Variants in DENND5A observed in about 807,000 individuals in gnomAD.
DENND5A encodes DENN domain containing 5A.
Under a neutral mutation model 140.3 loss-of-function variants are expected in DENND5A, and 64 were observed. The observed-to-expected ratio is 0.46, with a 90% confidence interval of 0.37 to 0.56. The LOEUF (loss-of-function observed/expected upper bound fraction) is 0.56, where lower values mean the gene tolerates loss of function less well. DENND5A is among the 20% of genes least tolerant of loss of function. The pLI is 0.00. For synonymous variants in DENND5A, 605 were observed against 607.7 expected (o/e 1.00, Z 0.07); for missense variants, 1,292 against 1,593.8 (o/e 0.81, Z 3.22).
At chr11:9,143,369 G>A (rs1427997235) in intron 20 of DENND5A, 34 bp downstream of exon 20, 1 of 1,555,776 alleles carries the variant, frequency 6.4e-7, no homozygotes, top group Non-Finnish European at 8.9e-7. Context: ...CTTATTCAAT[G>A]TAAGGCCCTG....
rs56687419 is a variant in DENND5A at position 9,144,547 on chromosome 11, T to C, written c.3123-269A>G. ...GGCTCATGCCTGTAATCCCAGCACT[T>C]TGGGAGGCCGAGGCGGCCGGATCAC... On this transcript the variant is annotated intron_variant, in intron 18 of 22. Coordinates refer to ENST00000328194, the MANE Select transcript of DENND5A (RefSeq NM_015213.4). 5.3e-5 allele frequency among the ~76,000 whole-genome samples: 8 copies of C among 152,062 alleles called. No homozygotes were observed. The East Asian group carries it at 7.8e-4, about 15-fold the overall frequency.
chr11:9,219,096 C>G (rs1045983473), intron 1 of DENND5A, among the ~76,000 whole-genome samples: 2 of 150,582 alleles, frequency 1.3e-5, no homozygotes, highest in African/African-American at 4.9e-5. Flanking sequence ...GTCTAAAACC[C>G]AAATAAAAGT....
chr11:9,178,118 C>CA lies in DENND5A; in HGVS notation c.1906+13dup. 6.4e-7 allele frequency: 1 copy of CA among 1,568,610 alleles called. No homozygotes were observed. Among genetic ancestry groups the CA allele is most frequent in the Non-Finnish European group, 8.8e-7 (1 of 1,138,512 alleles). On this transcript the variant is annotated intron_variant, in intron 8 of 22. Coordinates refer to ENST00000328194, the MANE Select transcript of DENND5A (RefSeq NM_015213.4). The stretch of plus-strand genomic sequence containing the variant: ...TCCAAGAGGCCTGAATGTACATTTC[C>CA]AAGGAGGCCTTACCTGCTTCATCCA...
At chr11:9,250,044 T>TAAAA (rs10710741) in intron 1 of DENND5A, among the ~76,000 whole-genome samples, 5 of 138,468 alleles carry the variant, frequency 3.6e-5, no homozygotes, top group Non-Finnish European at 1.6e-5. Context: ...AAATAAAATT[T>TAAAA]AAAAAAAAAA....
chr11:9,233,471 A>T (rs1314152743), intron 1 of DENND5A, among the ~76,000 whole-genome samples: 5 of 151,866 alleles, frequency 3.3e-5, no homozygotes, highest in Non-Finnish European at 5.9e-5. Flanking sequence ...TGGTGGCCCC[A>T]AAAAAGGTAT....
In DENND5A at chr11:9,261,711, G is replaced by A. The variant is rs113053831; in HGVS notation, c.109+3250C>T. On this transcript the variant is annotated intron_variant, in intron 1 of 22. Transcript: ENST00000328194. ...CAGAATTGCTTGAACCTGGGAGACG[G>A]AGGTTTCAGTGAGCCACTATTGCAG... Among the ~76,000 whole-genome samples, 1,367 of 144,512 alleles carry A rather than the reference G, an allele frequency of 9.5e-3. 11 individuals are homozygous for A. Among genetic ancestry groups the A allele is most frequent in the Non-Finnish European group, 0.013 (893 of 67,050 alleles). The allele number at this position is 144,512 out of a possible 152,430, so 94.8% of individuals were successfully genotyped here.
chr11:9,216,944 G>A (rs958469939), intron 1 of DENND5A, among the ~76,000 whole-genome samples: 1 of 152,126 alleles, frequency 6.6e-6, no homozygotes, highest in Admixed American at 6.6e-5. Context: ...GCTGTGGTGG[G>A]AGGATCACTT....
In DENND5A at chr11:9,144,606, T is replaced by C. The variant is rs148461435; in HGVS notation, c.3123-328A>G. Among the ~76,000 whole-genome samples, 451 of 152,000 alleles carry C rather than the reference T, an allele frequency of 3.0e-3. 1 individual carries two copies. The highest frequency in any genetic ancestry group is 0.01 in the African/African-American group (426 of 41,452). On this transcript the variant is annotated intron_variant, in intron 18 of 22. Transcript: ENST00000328194. ...AGGAGTTCAAGACCAGCCTGGTCAA[T>C]ATGGCGAAACCTGTCTCTACTAAAA...
Position 9,180,820 on chromosome 11 carries a change from T to C in DENND5A, c.1402A>G (p.Thr468Ala). ...HSYELLKENE[T>A]IARLQALVKR... ...ACCAAGGCTTGCAGCCGGGCAATAG[T>C]TTCATTCTCCTTAAGAAGCTCGTAG... The change falls in exon 6 of 23, where the codon ACT becomes GCT. Residue 468 changes from threonine to alanine, a missense_variant. Physicochemically the swap from Thr to Ala is moderately conservative, Grantham distance 58. This residue lies in a region of DENND5A where 566 missense variants were observed against 650.4 expected (regional missense o/e 0.87). Transcript: ENST00000328194. 5 of 1,614,216 alleles carry C rather than the reference T, an allele frequency of 3.1e-6. No individual in the cohort carries two copies. Among genetic ancestry groups the C allele is most frequent in the Non-Finnish European group, 4.2e-6 (5 of 1,180,026 alleles).
intron 1 of DENND5A, among the ~76,000 whole-genome samples, chr11:9,258,633 T>TG (rs1852056731): frequency 6.6e-6 from 1 of 152,142 alleles, no homozygotes; most frequent in Non-Finnish European, 1.5e-5. Context: ...CGTCTGTTCC[T>TG]GCCCTGCCAG....
At chr11:9,260,352 G>T (rs1405010071) in intron 1 of DENND5A, among the ~76,000 whole-genome samples, 2 of 152,080 alleles carry the variant, frequency 1.3e-5, no homozygotes, top group South Asian at 4.2e-4. Context: ...CCATTTCACA[G>T]TAAAACCTTC....
At chr11:9,162,723 CAGGG>C (rs1848029882) in intron 11 of DENND5A, among the ~76,000 whole-genome samples, 1 of 152,092 alleles carries the variant, frequency 6.6e-6, no homozygotes, top group Non-Finnish European at 1.5e-5. Context: ...ATCTTTAAGA[CAGGG>C]TCTCTCTCTG....
chr11:9,148,342 GA>G (rs34600940), intron 15 of DENND5A, among the ~76,000 whole-genome samples: 129 of 129,918 alleles, frequency 9.9e-4, no homozygotes, highest in East Asian at 1.5e-3. Context: ...GGTGTCAAAT[GA>G]AAAAAAAAAA....
intron 5 of DENND5A, among the ~76,000 whole-genome samples, chr11:9,181,573 C>CA (rs1848733374): frequency 6.6e-6 from 1 of 151,642 alleles, no homozygotes; most frequent in Admixed American, 6.6e-5. Flanking sequence ...CCAGTCTCTA[C>CA]AAAAAAATGC....
Position 9,179,077 on chromosome 11 carries a change from C to CA in DENND5A, c.1456-5dup, listed in dbSNP as rs578174299. 38 of 1,605,936 alleles carry CA rather than the reference C, an allele frequency of 2.4e-5. No individual in the cohort carries two copies. In the African/African-American group the frequency reaches 3.8e-4, roughly 16 times the overall value. ...TGGGGTCTTCACGCACTTCCAACTACAAAAAAAGAAAAAGCAGTTGAGAAC... is the reference window on the plus strand; with the variant it reads ...TGGGGTCTTCACGCACTTCCAACTACAAAAAAAAGAAAAAGCAGTTGAGAAC... On this transcript the variant is annotated splice_polypyrimidine_tract_variant and splice_region_variant and intron_variant, in intron 6 of 22. Transcript: ENST00000328194.
intron 3 of DENND5A, among the ~76,000 whole-genome samples, chr11:9,205,020 T>C (rs1012084575): frequency 6.6e-6 from 1 of 152,322 alleles, no homozygotes; most frequent in East Asian, 1.9e-4. Context: ...GTAAGATATG[T>C]ATATTAGGAG....
intron 1 of DENND5A, among the ~76,000 whole-genome samples, chr11:9,247,046 G>A (rs945776301): frequency 3.9e-5 from 6 of 152,116 alleles, no homozygotes; most frequent in Admixed American, 1.3e-4. Flanking sequence ...TGGCTAACAC[G>A]GTGAAACCCC....
intron 7 of DENND5A, among the ~76,000 whole-genome samples, chr11:9,178,584 T>A (rs1848622595): frequency 6.6e-6 from 1 of 151,924 alleles, no homozygotes; most frequent in African/African-American, 2.4e-5. Context: ...ACCTACTGAG[T>A]CAACCAATCT....
intron 12 of DENND5A, among the ~76,000 whole-genome samples, chr11:9,158,717 T>A (rs1246341097): frequency 6.6e-6 from 1 of 152,138 alleles, no homozygotes; most frequent in Non-Finnish European, 1.5e-5. Context: ...CTTAAACACT[T>A]ACTATACTAT....
Sources: allele counts gnomAD v4.1 joint callset (sites outside exome capture counted in the v4.1 genomes callset), GRCh38; gene constraint gnomAD v4.1.1; regional missense constraint gnomAD v4.1.1; transcripts MANE v1.5; gene names NCBI Gene and HGNC (gene_info 2026-07-23, HGNC 2026-07-21).